The following CAPN3 variants were observed in gnomAD, a reference collection of about 807,000 sequenced individuals.
CAPN3 encodes the protein calpain-3.
Under a neutral mutation model 114.0 loss-of-function variants are expected in CAPN3, and 88 were observed. The observed-to-expected ratio is 0.77, with a 90% confidence interval of 0.65 to 0.92. The LOEUF (loss-of-function observed/expected upper bound fraction) is 0.92, where lower values mean the gene tolerates loss of function less well. Ranked by LOEUF, CAPN3 falls within the 40% of genes least tolerant of loss-of-function variation. CAPN3 has a pLI of 0.00. For missense variants in CAPN3, 1,028 were observed against 1,069.0 expected, an observed-to-expected ratio of 0.96 and a Z score of 0.53; for synonymous variants, 386 against 382.9, an observed-to-expected ratio of 1.01 and a Z score of -0.09.
rs2053874651 is a variant in CAPN3 at position 42,401,704 on chromosome 15, A to T, written c.1418A>T (p.Asp473Val). The stretch of plus-strand genomic sequence containing the variant: ...CTGGAGGAGGACGATGACCCTGATG[A>T]CTCGGAGGTGATTTGCAGCTTCCTG... ...KLLEEDDDPD[D>V]SEVICSFLVA... The change falls in exon 11 of 24, where the codon GAC becomes GTC. Residue 473 changes from aspartate (D) to valine (V), a missense_variant. Asp to Val is a radical substitution (Grantham distance 152). Transcript: ENST00000397163. 6.2e-7 allele frequency: 1 copy of T among 1,613,960 alleles called. No individual in the cohort carries two copies. Among genetic ancestry groups the T allele is most frequent in the East Asian group, 2.2e-5 (1 of 44,862 alleles).
chr15:42,381,739 C>T (rs891202961), intron 1 of CAPN3, among the ~76,000 whole-genome samples: 4 of 152,128 alleles, frequency 2.6e-5, no homozygotes, highest in African/African-American at 9.7e-5. Flanking sequence ...GAGGTTTCGT[C>T]ATGTTGGCCA....
In CAPN3 at chr15:42,392,695, C is replaced by T. The variant is rs374833797; in HGVS notation, c.1002C>T (p.His334=). 5 of 1,613,906 alleles carry T rather than the reference C, an allele frequency of 3.1e-6. No homozygotes were observed. Among genetic ancestry groups the T allele is most frequent in the East Asian group, 2.2e-5 (1 of 44,866 alleles). Residue 334 remains histidine, a synonymous_variant, in exon 7 of 24, where the codon CAC becomes CAT. Transcript: ENST00000397163. ...TRMACGLVRG[H]AYSVTGLDEV... ...TGGCCTGCGGGCTGGTCAGAGGTCACGCCTACTCTGTCACGGGGCTGGATG... is the reference window on the plus strand; with the variant it reads ...TGGCCTGCGGGCTGGTCAGAGGTCATGCCTACTCTGTCACGGGGCTGGATG...
Position 42,410,507 on chromosome 15 carries a change from A to G in CAPN3, c.2184+11A>G, listed in dbSNP as rs775431488. 10 of 1,613,826 alleles carry G rather than the reference A, an allele frequency of 6.2e-6. No individual in the cohort carries two copies. In the African/African-American group the frequency reaches 1.3e-4, roughly 22 times the overall value. On this transcript the variant is annotated intron_variant, in intron 20 of 23. Coordinates refer to ENST00000397163, the MANE Select transcript of CAPN3 (RefSeq NM_000070.3). ...ATTAAGGCCTGGCAGGTGGGAAGAG[A>G]AAATGAAGCGTGGGAGTCAAGAATG... is the stretch of plus-strand genomic sequence containing the variant.
At chr15:42,361,929 A>G (rs762727908) in intron 1 of CAPN3, among the ~76,000 whole-genome samples, 17 of 152,048 alleles carry the variant, frequency 1.1e-4, no homozygotes, top group Non-Finnish European at 1.8e-4. Context: ...ACTTCCTTCA[A>G]TCTTTCTCAT....
intron 1 of CAPN3, among the ~76,000 whole-genome samples, chr15:42,377,211 A>C (rs1391504495): frequency 6.6e-6 from 1 of 152,166 alleles, no homozygotes; most frequent in Non-Finnish European, 1.5e-5. Context: ...GACACTGAAT[A>C]GGAGTGGTAC....
Position 42,359,717 on chromosome 15 carries a change from C to G in CAPN3, c.-89C>G. On this transcript the variant is annotated 5_prime_UTR_variant, in exon 1 of 24. Transcript: ENST00000397163. ...TTTTCTCTCAGATGACAGAATTACTCCAACTTCCCCTTTGCAGTTGCTTCC... is the reference window on the plus strand; with the variant it reads ...TTTTCTCTCAGATGACAGAATTACTGCAACTTCCCCTTTGCAGTTGCTTCC... 6.3e-7 allele frequency: 1 copy of G among 1,597,200 alleles called. No homozygotes were observed. The highest frequency in any genetic ancestry group is 1.1e-5 in the South Asian group (1 of 88,826).
chr15:42,384,392 C>T (rs1022079777), intron 1 of CAPN3, 91 bp from the exon 2 acceptor site: 11 of 944,860 alleles, frequency 1.2e-5, no homozygotes, highest in African/African-American at 1.1e-4. Flanking sequence ...AGCCTGGCGA[C>T]AGAGTGAGAC....
At chr15:42,379,590 T>A (rs2053184053) in intron 1 of CAPN3, among the ~76,000 whole-genome samples, 1 of 152,178 alleles carries the variant, frequency 6.6e-6, no homozygotes, top group Non-Finnish European at 1.5e-5. Context: ...GTTCTATCAC[T>A]CTTTGCCTCA....
intron 11 of CAPN3, 55 bp downstream of exon 11, chr15:42,401,865 C>T: frequency 6.4e-7 from 1 of 1,562,056 alleles, no homozygotes; most frequent in Non-Finnish European, 8.7e-7. Flanking sequence ...AGGGAGGACG[C>T]TTCCAGGGGC....
At chr15:42,405,986 A>G in intron 15 of CAPN3, 43 bp downstream of exon 15, 2 of 1,565,440 alleles carry the variant, frequency 1.3e-6, no homozygotes, top group Non-Finnish European at 1.8e-6. Context: ...GTACTCATGC[A>G]TATGTATGTG....
At chr15:42,410,855 G>T in intron 21 of CAPN3, 29 bp from the exon 22 acceptor site, 1 of 1,570,546 alleles carries the variant, frequency 6.4e-7, no homozygotes, top group African/African-American at 1.3e-5. Context: ...CCAGCTCCAC[G>T]TCCACCTCTA....
chr15:42,408,094 C>A, intron 15 of CAPN3, 117 bp from the exon 16 acceptor site: 2 of 705,116 alleles, frequency 2.8e-6, no homozygotes, highest in East Asian at 2.8e-5. Context: ...GAAGAGCTCC[C>A]GCCTATTCCT....
intron 16 of CAPN3, chr15:42,408,810 AGGGCCCCTCTTCTATCCGG>A (rs28364530): frequency 2.5e-3 from 756 of 297,480 alleles, no homozygotes; most frequent in Middle Eastern, 7.1e-3. Flanking sequence ...AGACCAATCC[AGGGCCCCTCTTCTATCCGG>A]GGGCCCCTCT....
chr15:42,393,862 G>T (rs535574014), intron 7 of CAPN3, among the ~76,000 whole-genome samples: 7 of 150,998 alleles, frequency 4.6e-5, no homozygotes, highest in Admixed American at 2.0e-4. Context: ...CAAAGTGCTG[G>T]GATTACAGGC....
rs1399469008 is a variant in CAPN3, at chr15:42,412,148, C to T, written c.*375C>T. 25 of 1,536,016 alleles carry T rather than the reference C, an allele frequency of 1.6e-5. No individual in the cohort carries two copies. Among genetic ancestry groups the T allele is most frequent in the Non-Finnish European group, 2.0e-5 (23 of 1,146,910 alleles). ...CTCCTTGTGCTAGAGCCCTCCATCA[C>T]CTTCACGCTGTCCCACCATGGGCCA... On this transcript the variant is annotated 3_prime_UTR_variant, in exon 24 of 24. Transcript: ENST00000397163.
chr15:42,401,529 T>C (rs778123804), intron 10 of CAPN3, 112 bp from the exon 11 acceptor site: 9 of 749,234 alleles, frequency 1.2e-5, no homozygotes, highest in African/African-American at 1.8e-5. Flanking sequence ...TCTGTTGATA[T>C]TTCCTAAGCA....
At position 42,409,932 on chromosome 15, in the gene CAPN3, C is replaced by G. The variant is rs756553513; in HGVS notation, c.2052C>G (p.His684Gln). Reference sequence around the variant, plus strand: ...CCTCACTCTTCTCCATCCCCCCAGACAAGGACCTGAAGACACACGGGTTCA... The same window carrying G: ...CCTCACTCTTCTCCATCCCCCCAGAGAAGGACCTGAAGACACACGGGTTCA... Reference protein sequence around the residue: ...KKVLNTVVNKHKDLKTHGFTL... With the variant: ...KKVLNTVVNKQKDLKTHGFTL... Residue 684 changes from histidine to glutamine, a missense_variant and splice_region_variant, in exon 19 of 24, where the codon CAC becomes CAG. Transcript: ENST00000397163. 2 of 1,612,546 alleles carry G rather than the reference C, an allele frequency of 1.2e-6. No individual in the cohort carries two copies. Among genetic ancestry groups the G allele is most frequent in the South Asian group, 1.1e-5 (1 of 91,014 alleles).
In CAPN3 at chr15:42,399,636, C is replaced by G. The variant is rs772356702; in HGVS notation, c.1338C>G (p.Gly446=). The change falls in exon 10 of 24, where the codon GGC becomes GGG. Residue 446 remains glycine (G), a synonymous_variant. Transcript: ENST00000397163. ...GRWVRGCSAG[G]CRNFPDTFWT... is the part of the protein sequence containing the mutation. Reference sequence around the variant, plus strand: ...GGGTACGGGGTTGCTCTGCCGGAGGCTGCCGCAACTTCCCAGGTGGGAGAT... The same window carrying G: ...GGGTACGGGGTTGCTCTGCCGGAGGGTGCCGCAACTTCCCAGGTGGGAGAT... 5.0e-6 allele frequency: 8 copies of G among 1,604,508 alleles called. No homozygotes were observed. The Admixed American group carries it at 1.0e-4, about 20-fold the overall frequency.
Position 42,410,714 on chromosome 15 carries a change from A to G in CAPN3, c.2263+48A>G, listed in dbSNP as rs2054191389. ...AGGGATGTGGACCCGAGACGGTGGG[A>G]GCAGGAATGGGAGGGGACTAGGCTA... On this transcript the variant is annotated intron_variant, in intron 21 of 23. Coordinates refer to ENST00000397163, the MANE Select transcript of CAPN3 (RefSeq NM_000070.3). 13 of 1,523,602 alleles carry G rather than the reference A, an allele frequency of 8.5e-6. No homozygotes were observed. The South Asian group carries it at 1.4e-4, about 16-fold the overall frequency. 94.4% of individuals were successfully genotyped at this position (1,523,602 alleles called of 1,614,324 possible).
Sources: allele counts gnomAD v4.1 joint callset (sites outside exome capture counted in the v4.1 genomes callset), GRCh38; gene constraint gnomAD v4.1.1; transcripts MANE v1.5; gene names NCBI Gene and HGNC (gene_info 2026-07-23, HGNC 2026-07-21).